ACOT12: variants seen among roughly 807,000 people sequenced by gnomAD.
ACOT12 encodes the protein acyl-CoA thioesterase 12.
In ACOT12, 51 loss-of-function variants were observed where a neutral mutation model predicts 67.7. That is an observed-to-expected ratio of 0.75 (90% confidence interval 0.60 to 0.95). The LOEUF is 0.95. Ranked by LOEUF, ACOT12 falls within the 40% of genes least tolerant of loss-of-function variation. The pLI is 0.00. For synonymous variants in ACOT12, 251 were observed against 244.6 expected (o/e 1.03, Z -0.24); for missense variants, 734 against 708.1 (o/e 1.04, Z -0.41).
intron 1 of ACOT12, 70 bp downstream of exon 1, chr5:81,393,918 C>T (rs879506856): frequency 7.8e-7 from 1 of 1,275,636 alleles, no homozygotes; most frequent in Non-Finnish European, 9.9e-7. Flanking sequence ...CCTACCCCCC[C>T]CAGCCCCCAG....
intron 1 of ACOT12, among the ~76,000 whole-genome samples, 189 bp downstream of exon 1, chr5:81,393,799 A>G (rs1163352304): frequency 6.6e-6 from 1 of 152,060 alleles, no homozygotes; most frequent in East Asian, 1.9e-4. Context: ...CGAGAGCCAC[A>G]CATTTGGGAA....
Position 81,335,913 on chromosome 5 carries a change from CA to C in ACOT12, c.1129-13del. On this transcript the variant is annotated splice_polypyrimidine_tract_variant and intron_variant, in intron 11 of 14. Transcript: ENST00000307624. ...GTATATATTTTTATCTAAAAGACAACAAAAAAATTAAATTACGAAAGAAAAC... is the reference window on the plus strand; with the variant it reads ...GTATATATTTTTATCTAAAAGACAACAAAAAATTAAATTACGAAAGAAAAC... The C allele has an allele frequency of 3.8e-6, 6 of 1,589,918 alleles. No individual in the cohort carries two copies. The highest frequency in any genetic ancestry group is 1.9e-5 in the Admixed American group (1 of 53,792).
chr5:81,327,874 G>A (rs1450877970), downstream of ACOT12, among the ~76,000 whole-genome samples: 1 of 152,176 alleles, frequency 6.6e-6, no homozygotes, highest in Non-Finnish European at 1.5e-5. Context: ...AAATCAGTGG[G>A]ACTAATTTTT....
chr5:81,343,202 A>T (rs971753307), intron 10 of ACOT12, among the ~76,000 whole-genome samples: 1 of 152,128 alleles, frequency 6.6e-6, no homozygotes, highest in Non-Finnish European at 1.5e-5. Context: ...AATACCAAAA[A>T]AAAACCCAAC....
intron 2 of ACOT12, among the ~76,000 whole-genome samples, chr5:81,374,224 CCAGCAGACCTG>C (rs1363117547): frequency 6.6e-6 from 1 of 152,134 alleles, no homozygotes; most frequent in East Asian, 1.9e-4. Context: ...CCAGCAAACT[CCAGCAGACCTG>C]CAGCAGATGG....
chr5:81,330,506 G>A lies in ACOT12; in HGVS notation c.1556C>T (p.Pro519Leu). ...YFNHMSASIL[P>L]YFAGNLGGWS... ...GCCACCAAGATTTCCAGCAAAGTAA[G>A]GAAGGATGCTAGCAGACATATGGTT... The change falls in exon 15 of 15, where the codon CCT (proline) becomes CTT (leucine). Residue 519 changes from proline (P) to leucine (L), a missense_variant. Transcript: ENST00000307624. The A allele has an allele frequency of 6.2e-7, 1 of 1,614,026 alleles. No individual in the cohort carries two copies. Among genetic ancestry groups the A allele is most frequent in the Middle Eastern group, 1.6e-4 (1 of 6,062 alleles).
At chr5:81,312,357 C>T in the ACOT12 span, among the ~76,000 whole-genome samples, 1 of 152,154 alleles carries the variant, frequency 6.6e-6, no homozygotes, top group Non-Finnish European at 1.5e-5. Context: ...TGAGAAATTG[C>T]CTGTGGTACT....
the ACOT12 span, among the ~76,000 whole-genome samples, chr5:81,314,190 T>A: frequency 6.6e-6 from 1 of 152,084 alleles, no homozygotes; most frequent in Non-Finnish European, 1.5e-5. Flanking sequence ...CTGCAACCTT[T>A]GCCTCTTGGC....
intron 6 of ACOT12, among the ~76,000 whole-genome samples, chr5:81,347,052 CCATAATTATTTTTAACCAG>C (rs1489095319): frequency 2.6e-5 from 4 of 151,974 alleles, no homozygotes; most frequent in Non-Finnish European, 5.9e-5. Flanking sequence ...ATTTCTTTGG[CCATAATTATTTTTAACCAG>C]CACCTTTAAA....
At chr5:81,373,088 G>A (rs947320313) in intron 2 of ACOT12, among the ~76,000 whole-genome samples, 3 of 152,186 alleles carry the variant, frequency 2.0e-5, no homozygotes, top group Non-Finnish European at 4.4e-5. Context: ...GGCCGAACAG[G>A]AGCAGCTCCA....
the ACOT12 span, chr5:81,308,872 T>C: frequency 2.1e-6 from 3 of 1,418,586 alleles, no homozygotes; most frequent in Non-Finnish European, 1.9e-6. Flanking sequence ...TTATTCAGAG[T>C]ATTTTAAAAT....
At chr5:81,384,486 T>A (rs1414349769) in intron 2 of ACOT12, among the ~76,000 whole-genome samples, 1 of 152,122 alleles carries the variant, frequency 6.6e-6, no homozygotes, top group Non-Finnish European at 1.5e-5. Flanking sequence ...TGTATCTTTT[T>A]AATGTTTAAC....
chr5:81,342,656 C>T lies in ACOT12; in HGVS notation c.1128+16G>A, dbSNP rs1759234912. On this transcript the variant is annotated intron_variant, in intron 11 of 14. Coordinates refer to ENST00000307624, the MANE Select transcript of ACOT12 (RefSeq NM_130767.3). The stretch of plus-strand genomic sequence containing the variant: ...TGATGGGCGATGGATTATGCAAATA[C>T]CTGGAAGTGTCCTACCTTTTCCACA... 3 of 1,613,688 alleles carry T rather than the reference C, an allele frequency of 1.9e-6. No homozygotes were observed. Among genetic ancestry groups the T allele is most frequent in the African/African-American group, 1.3e-5 (1 of 74,914 alleles).
intron 3 of ACOT12, among the ~76,000 whole-genome samples, chr5:81,370,891 T>A (rs960585742): frequency 5.9e-5 from 9 of 152,176 alleles, no homozygotes; most frequent in African/African-American, 2.2e-4. Context: ...CAGCAACTCC[T>A]TTCCTGCTAA....
intron 10 of ACOT12, 44 bp downstream of exon 10, chr5:81,343,774 T>C (rs143832378): frequency 2.1e-4 from 336 of 1,593,842 alleles, no homozygotes; most frequent in Non-Finnish European, 2.8e-4. Context: ...ATTTTTGTAA[T>C]GATGAGACTT....
chr5:81,365,154 T>C (rs930492666), intron 3 of ACOT12, among the ~76,000 whole-genome samples: 3 of 152,214 alleles, frequency 2.0e-5, no homozygotes, highest in Non-Finnish European at 4.4e-5. Context: ...AATAAACCTT[T>C]TCCCTACATA....
the ACOT12 span, among the ~76,000 whole-genome samples, chr5:81,313,595 A>G: frequency 2.6e-5 from 4 of 152,322 alleles, no homozygotes; most frequent in Admixed American, 2.6e-4. Flanking sequence ...CATATATTTC[A>G]CAAGGCTTAA....
chr5:81,378,795 G>A (rs540476997), intron 2 of ACOT12, among the ~76,000 whole-genome samples: 2 of 152,180 alleles, frequency 1.3e-5, no homozygotes, highest in East Asian at 1.9e-4. Flanking sequence ...TCCATCTCAC[G>A]CCAGTTACAA....
chr5:81,379,250 TG>T lies in ACOT12; in HGVS notation c.197+6506del, dbSNP rs1760507147. 2.0e-5 allele frequency among the ~76,000 whole-genome samples: 3 copies of T among 150,454 alleles called. No homozygotes were observed. The Admixed American group carries it at 2.0e-4, about 10-fold the overall frequency. ...CAAGAACAGAAAACCAAACACCGCA[TG>T]TTCTCACTTGTAAGTGGGAGTTGAA... On this transcript the variant is annotated intron_variant, in intron 2 of 14. Transcript: ENST00000307624.
Sources: gnomAD v4.1 joint callset for allele counts (sites outside exome capture counted in the v4.1 genomes callset) on GRCh38, gnomAD v4.1.1 for gene constraint, MANE v1.5 for transcripts, NCBI Gene and HGNC (gene_info 2026-07-23, HGNC 2026-07-21) for gene names.